The following PRDM11 variants were observed in gnomAD, a reference collection of about 807,000 sequenced individuals.
The protein encoded by PRDM11 is PR domain-containing protein 11.
Under a neutral mutation model 97.8 loss-of-function variants are expected in PRDM11, and 20 were observed. That is an observed-to-expected ratio of 0.20 (90% CI 0.14 to 0.30). PRDM11 has a LOEUF of 0.30. Ranked by LOEUF, PRDM11 falls within the 10% of genes least tolerant of loss-of-function variation. The probability of loss-of-function intolerance (pLI) is 1.00; values close to 1 mark genes in which losing one functional copy is unlikely to be tolerated. For synonymous variants in PRDM11, 599 were observed against 637.7 expected (o/e 0.94, Z 0.91); for missense variants, 1,139 against 1,555.2 (o/e 0.73, Z 4.50).
intron 1 of PRDM11, among the ~76,000 whole-genome samples, chr11:45,097,564 A>G (rs1276957854): frequency 6.6e-6 from 1 of 152,214 alleles, no homozygotes; most frequent in African/African-American, 2.4e-5. Flanking sequence ...TTCAAACTCA[A>G]GTGTCGCTCA....
intron 1 of PRDM11, among the ~76,000 whole-genome samples, chr11:45,108,985 A>T (rs1467659373): frequency 6.6e-6 from 1 of 152,222 alleles, no homozygotes; most frequent in South Asian, 2.1e-4. Flanking sequence ...GCTTTAAATG[A>T]CTTCCAGTGA....
intron 6 of PRDM11, among the ~76,000 whole-genome samples, chr11:45,222,514 C>T (rs1261716064): frequency 6.6e-6 from 1 of 152,210 alleles, no homozygotes; most frequent in Admixed American, 6.5e-5. Flanking sequence ...TTATCTCCAT[C>T]TCTCCCCTTT....
intron 1 of PRDM11, among the ~76,000 whole-genome samples, chr11:45,114,493 G>C (rs1590346334): frequency 6.6e-6 from 1 of 152,060 alleles, no homozygotes; most frequent in African/African-American, 2.4e-5. Flanking sequence ...CTTAGAAGGA[G>C]AGAAAATTGA....
chr11:45,224,528 G>C lies in PRDM11; in HGVS notation c.1054G>C (p.Gly352Arg), dbSNP rs765928178. 1.7e-4 allele frequency: 277 copies of C among 1,613,980 alleles called. No homozygotes were observed. Among genetic ancestry groups the C allele is most frequent in the Non-Finnish European group, 2.2e-4 (260 of 1,180,036 alleles). Residue 352 changes from glycine to arginine, a missense_variant, in exon 7 of 8, where the codon GGT (glycine) becomes CGT (arginine). Gly to Arg is a moderately radical substitution (Grantham distance 125). This residue lies in a region of PRDM11 where 429 missense variants were observed against 510.3 expected (regional missense o/e 0.84). Transcript: ENST00000683152. ...TCAGTGTGCAACAACAATGACCCAT[G>C]GTGTGCAGAATATAGGCCAGACCCA... ...YSQCATTMTHGVQNIGQTQGE... is the reference protein window; with the variant it reads ...YSQCATTMTHRVQNIGQTQGE...
chr11:45,099,127 GCA>G (rs1851929302), intron 1 of PRDM11, among the ~76,000 whole-genome samples: 2 of 152,262 alleles, frequency 1.3e-5, no homozygotes, highest in African/African-American at 4.8e-5. Flanking sequence ...AGCAGGAATG[GCA>G]CGCGATGCCT....
At chr11:45,217,249 G>A (rs1485909593) in intron 5 of PRDM11, among the ~76,000 whole-genome samples, 2 of 152,162 alleles carry the variant, frequency 1.3e-5, no homozygotes, top group African/African-American at 4.8e-5. Flanking sequence ...TTGAGATTGG[G>A]AATTATTAAT....
At position 45,228,149 on chromosome 11, in the gene PRDM11, C is replaced by A. The variant is rs1411192005; in HGVS notation, c.3524C>A (p.Pro1175His). 3 of 1,520,820 alleles carry A rather than the reference C, an allele frequency of 2.0e-6. No homozygotes were observed. Among genetic ancestry groups the A allele is most frequent in the Non-Finnish European group, 1.8e-6 (2 of 1,137,806 alleles). 94.2% of individuals were successfully genotyped at this position (1,520,820 alleles called of 1,614,324 possible). A position where few individuals can be genotyped will look rare whatever the true frequency, so the allele number is the denominator to read the frequency against. ...QTMDHGTEFYPDI is the reference protein window; with the variant it reads ...QTMDHGTEFYHDI ...ATGGACCACGGGACGGAGTTTTACC[C>A]CGACATTTAGGGAGCTGGCGCTGCA... The change falls in exon 8 of 8, where the codon CCC (proline) becomes CAC (histidine). Residue 1175 changes from proline to histidine, a missense_variant. By Grantham distance (77) the Pro-to-His change is moderately conservative. Transcript: ENST00000683152.
intron 4 of PRDM11, among the ~76,000 whole-genome samples, chr11:45,195,288 A>G (rs1853078562): frequency 6.6e-6 from 1 of 152,168 alleles, no homozygotes; most frequent in Non-Finnish European, 1.5e-5. Flanking sequence ...ATTCACAGGT[A>G]TGTGCAACCA....
intron 4 of PRDM11, among the ~76,000 whole-genome samples, 189 bp from the exon 5 acceptor site, chr11:45,204,522 A>C (rs550161387): frequency 5.9e-5 from 9 of 151,982 alleles, no homozygotes; most frequent in Non-Finnish European, 1.0e-4. Context: ...GAAGAATGGG[A>C]ATGGGTGGAG....
rs531941214 is a variant in PRDM11, at chr11:45,109,825, C to T, written c.96+13924C>T. Among the ~76,000 whole-genome samples the T allele has an allele frequency of 4.6e-5, 7 of 152,284 alleles. 1 individual carries two copies. The highest frequency in any genetic ancestry group is 3.4e-3 in the Middle Eastern group (1 of 294). ...GATGGGGAAGGGTGGGCTTTTGTCT[C>T]TAAAATTCCTTCCCTTTCTGAGTCT... On this transcript the variant is annotated intron_variant, in intron 1 of 6. Transcript: ENST00000530656.
At chr11:45,107,844 T>G (rs898349788) in intron 1 of PRDM11, among the ~76,000 whole-genome samples, 9 of 151,794 alleles carry the variant, frequency 5.9e-5, no homozygotes, top group East Asian at 5.8e-4. Context: ...TTTTTTTTTT[T>G]TGTGAGACAG....
At chr11:45,119,762 A>G (rs1852389494) in intron 1 of PRDM11, among the ~76,000 whole-genome samples, 1 of 152,164 alleles carries the variant, frequency 6.6e-6, no homozygotes, top group Non-Finnish European at 1.5e-5. Flanking sequence ...TTTTCTTAAC[A>G]GAATAAAAGA....
At chr11:45,148,685 C>T (rs191538700) in intron 1 of PRDM11, among the ~76,000 whole-genome samples, 3 of 152,326 alleles carry the variant, frequency 2.0e-5, no homozygotes, top group Non-Finnish European at 4.4e-5. Flanking sequence ...GTCTAGACTT[C>T]TTGGGTTGAT....
chr11:45,210,614 CCTT>C (rs1240006703), intron 5 of PRDM11, among the ~76,000 whole-genome samples: 2 of 152,212 alleles, frequency 1.3e-5, no homozygotes, highest in East Asian at 3.9e-4. Flanking sequence ...TTGCACCTTC[CCTT>C]CCCGGGCCCC....
chr11:45,144,569 GACCA>G (rs1851467259), upstream of PRDM11, among the ~76,000 whole-genome samples: 1 of 152,142 alleles, frequency 6.6e-6, no homozygotes, highest in East Asian at 1.9e-4. Flanking sequence ...TGGAGGATGG[GACCA>G]CTCCCCTCCT....
In PRDM11 at chr11:45,109,573, G is replaced by A. The variant is rs185066732; in HGVS notation, c.96+13672G>A. The stretch of plus-strand genomic sequence containing the variant: ...AATATTCAGAGGCTATCCTGCGGAG[G>A]AGGGAGAGTATCTGTTCTCTGTGGC... On this transcript the variant is annotated intron_variant, in intron 1 of 6. Transcript: ENST00000530656. 5.4e-3 allele frequency among the ~76,000 whole-genome samples: 829 copies of A among 152,288 alleles called. 6 individuals are homozygous for A. The highest frequency in any genetic ancestry group is 0.019 in the African/African-American group (782 of 41,558).
chr11:45,148,579 G>A (rs1851581501), intron 1 of PRDM11, among the ~76,000 whole-genome samples: 1 of 152,144 alleles, frequency 6.6e-6, no homozygotes, highest in African/African-American at 2.4e-5. Context: ...ACAAAGATGA[G>A]GGACTCCCCT....
chr11:45,104,925 G>A (rs76496992), intron 1 of PRDM11, among the ~76,000 whole-genome samples: 13,879 of 152,296 alleles, frequency 0.091, 864 homozygotes, highest in Non-Finnish European at 0.14. Context: ...CTGGACAGGG[G>A]TCATGTAATT....
intron 1 of PRDM11, among the ~76,000 whole-genome samples, chr11:45,169,402 A>G (rs1251384485): frequency 6.6e-6 from 1 of 152,242 alleles, no homozygotes; most frequent in Non-Finnish European, 1.5e-5. Flanking sequence ...CTAAATGTGT[A>G]TGTCCTTTAA....
Sources: gnomAD v4.1 joint callset for allele counts (sites outside exome capture counted in the v4.1 genomes callset) on GRCh38, gnomAD v4.1.1 for gene constraint, gnomAD v4.1.1 regional missense constraint, MANE v1.5 for transcripts, NCBI Gene and HGNC (gene_info 2026-07-23, HGNC 2026-07-21) for gene names.